Variants in GSK3B observed in about 807,000 individuals in gnomAD.
The protein encoded by GSK3B is glycogen synthase kinase 3 beta.
A neutral mutation model predicts 56.4 loss-of-function variants in GSK3B; 15 were observed. That is an observed-to-expected ratio of 0.27 (90% CI 0.18 to 0.41). GSK3B has a LOEUF of 0.41. GSK3B is among the 10% of genes least tolerant of loss of function. The pLI is 1.00. For synonymous variants in GSK3B, 181 were observed against 188.9 expected, an observed-to-expected ratio of 0.96 and a Z score of 0.34; for missense variants, 300 against 513.4, an observed-to-expected ratio of 0.58 and a Z score of 4.02.
intron 8 of GSK3B, among the ~76,000 whole-genome samples, chr3:119,874,153 C>T (rs1029718005): frequency 6.6e-6 from 1 of 152,026 alleles, no homozygotes. Context: ...CTAATACTTG[C>T]GTTAGAGAGA....
At chr3:119,901,588 C>T (rs2056625539) in intron 7 of GSK3B, among the ~76,000 whole-genome samples, 5 of 152,098 alleles carry the variant, frequency 3.3e-5, no homozygotes, top group Admixed American at 2.6e-4. Flanking sequence ...TTTACTCATG[C>T]TGTAAATTAC....
intron 1 of GSK3B, among the ~76,000 whole-genome samples, chr3:120,080,638 C>T (rs1196259817): frequency 6.6e-6 from 1 of 152,082 alleles, no homozygotes; most frequent in Non-Finnish European, 1.5e-5. Flanking sequence ...TGAGACCAGC[C>T]TGGCCAGCAT....
intron 1 of GSK3B, 149 bp downstream of exon 1, chr3:120,093,198 G>T: frequency 3.5e-6 from 2 of 566,420 alleles, no homozygotes; most frequent in South Asian, 2.3e-5. Flanking sequence ...AGTAAAAAGG[G>T]AGCTGCTTCA....
At chr3:119,911,540 C>A (rs978663755) in intron 6 of GSK3B, among the ~76,000 whole-genome samples, 1 of 152,152 alleles carries the variant, frequency 6.6e-6, no homozygotes, top group African/African-American at 2.4e-5. Flanking sequence ...TAGAAGAAGT[C>A]TTCCATCTCT....
chr3:119,940,359 G>T lies in GSK3B; in HGVS notation c.366+6909C>A, dbSNP rs2057036652. Among the ~76,000 whole-genome samples the T allele has an allele frequency of 2.6e-5, 4 of 151,882 alleles. No individual in the cohort carries two copies. In the South Asian group the frequency reaches 8.3e-4, roughly 32 times the overall value. On this transcript the variant is annotated intron_variant, in intron 3 of 10. Transcript: ENST00000264235. Reference sequence around the variant, plus strand: ...ACTATACTGCTTCAAAATTAAGAAGGAACTGTTCTTGGCCTTTTCTTTCTT... The same window carrying T: ...ACTATACTGCTTCAAAATTAAGAAGTAACTGTTCTTGGCCTTTTCTTTCTT...
intron 1 of GSK3B, among the ~76,000 whole-genome samples, chr3:120,031,457 A>G (rs150625839): frequency 6.6e-6 from 1 of 152,226 alleles, no homozygotes; most frequent in Non-Finnish European, 1.5e-5. Flanking sequence ...GCGACTGAGG[A>G]TAAGAAATGA....
chr3:120,065,640 A>C (rs548100957), intron 1 of GSK3B, among the ~76,000 whole-genome samples: 69 of 152,352 alleles, frequency 4.5e-4, no homozygotes, highest in Non-Finnish European at 9.1e-4. Flanking sequence ...ACAGGTGTTC[A>C]AACAAAAACT....
At chr3:120,038,525 C>CA (rs1342345793) in intron 1 of GSK3B, among the ~76,000 whole-genome samples, 2 of 151,750 alleles carry the variant, frequency 1.3e-5, no homozygotes, top group African/African-American at 2.4e-5. Flanking sequence ...GACTCTGTCT[C>CA]AAAAAAACAT....
intron 4 of GSK3B, among the ~76,000 whole-genome samples, chr3:119,918,660 T>C (rs186215941): frequency 6.1e-4 from 93 of 152,294 alleles, no homozygotes; most frequent in Admixed American, 1.3e-3. Flanking sequence ...AGTTAATTCT[T>C]GCAACCACTC....
chr3:119,978,240 C>G (rs1031725718), intron 2 of GSK3B, among the ~76,000 whole-genome samples: 6 of 152,094 alleles, frequency 3.9e-5, no homozygotes, highest in African/African-American at 1.2e-4. Flanking sequence ...AAATAAACCC[C>G]TCTCTGGGCC....
At position 120,094,017 on chromosome 3, in the gene GSK3B, G is replaced by C. The variant is rs2058540420; in HGVS notation, c.-583C>G. The C allele has an allele frequency of 1.4e-5, 3 of 220,554 alleles. No individual in the cohort carries two copies. The allele number at this position is 220,554 out of a possible 1,614,324, so 13.7% of individuals were successfully genotyped here. ...GGGCCCGGCGAACTAGAGGGCGGCG[G>C]AGTCGCGAGTCAGTCAGAGGCGGGC... On this transcript the variant is annotated 5_prime_UTR_variant, in exon 1 of 11. Transcript: ENST00000264235.
rs1177491287 is a variant in GSK3B, at chr3:119,974,166, C to A, written c.283-26815G>T. On this transcript the variant is annotated intron_variant, in intron 2 of 10. Coordinates refer to ENST00000264235, the MANE Select transcript of GSK3B (RefSeq NM_001146156.2). ...TGAGGAAGACATGAATGAAAAGTCA[C>A]ACACTCTAGGAAAAGTCTTTGCAAA... 2.0e-5 allele frequency among the ~76,000 whole-genome samples: 3 copies of A among 152,294 alleles called. No homozygotes were observed. The East Asian group carries it at 5.8e-4, about 29-fold the overall frequency.
chr3:119,838,459 C>A (rs1236474950), intron 10 of GSK3B, among the ~76,000 whole-genome samples: 1 of 152,144 alleles, frequency 6.6e-6, no homozygotes, highest in East Asian at 1.9e-4. Context: ...TCCATACCCA[C>A]TAATTTAGCA....
intron 1 of GSK3B, among the ~76,000 whole-genome samples, chr3:120,088,130 G>A (rs948509267): frequency 5.3e-5 from 8 of 152,138 alleles, no homozygotes; most frequent in African/African-American, 1.7e-4. Flanking sequence ...CTGACCTCGT[G>A]ATCCACCCGC....
intron 5 of GSK3B, among the ~76,000 whole-genome samples, chr3:119,913,417 C>T (rs2056753727): frequency 6.6e-6 from 1 of 152,022 alleles, no homozygotes; most frequent in Non-Finnish European, 1.5e-5. Flanking sequence ...TCTAACTCTG[C>T]TATAGTAAGT....
chr3:119,881,086 C>T (rs1035444256), intron 7 of GSK3B, among the ~76,000 whole-genome samples: 1 of 151,992 alleles, frequency 6.6e-6, no homozygotes, highest in Non-Finnish European at 1.5e-5. Flanking sequence ...GTAGAATTAA[C>T]AAATAAATTG....
chr3:119,883,328 C>T (rs1265077920), intron 7 of GSK3B, among the ~76,000 whole-genome samples: 1 of 151,974 alleles, frequency 6.6e-6, no homozygotes, highest in Non-Finnish European at 1.5e-5. Context: ...GGAAAAAAAG[C>T]ACTTATTTCT....
At chr3:120,060,414 T>C (rs990873206) in intron 1 of GSK3B, among the ~76,000 whole-genome samples, 5 of 152,086 alleles carry the variant, frequency 3.3e-5, no homozygotes, top group Non-Finnish European at 7.4e-5. Context: ...TCTTCAATTC[T>C]TGAAAAGGGT....
At chr3:119,837,947 T>C (rs1002213685) in intron 10 of GSK3B, among the ~76,000 whole-genome samples, 11 of 39,708 alleles carry the variant, frequency 2.8e-4, no homozygotes, top group African/African-American at 2.2e-3. Flanking sequence ...CATTCACATA[T>C]ATATATATAT....
Sources: allele counts gnomAD v4.1 joint callset (sites outside exome capture counted in the v4.1 genomes callset), GRCh38; gene constraint gnomAD v4.1.1; transcripts MANE v1.5; gene names NCBI Gene and HGNC (gene_info 2026-07-23, HGNC 2026-07-21).